The following KANSL1 variants were observed in gnomAD, a reference collection of about 807,000 sequenced individuals.
KANSL1 encodes KAT8 regulatory NSL complex subunit 1.
A neutral mutation model predicts 103.6 loss-of-function variants in KANSL1; 22 were observed. The ratio of observed to expected loss-of-function variants is 0.21; its 90% confidence interval spans 0.15 to 0.30. The LOEUF (loss-of-function observed/expected upper bound fraction) is 0.30, where lower values mean the gene tolerates loss of function less well. KANSL1 is among the 10% of genes least tolerant of loss of function. The pLI, the probability that KANSL1 is intolerant of heterozygous loss-of-function variation, is 1.00. For synonymous variants in KANSL1, 600 were observed against 527.6 expected, an observed-to-expected ratio of 1.14 and a Z score of -1.88; for missense variants, 1,337 against 1,399.8, an observed-to-expected ratio of 0.96 and a Z score of 0.72.
At chr17:46,158,503 C>T (rs1260872320) in intron 2 of KANSL1, among the ~76,000 whole-genome samples, 1 of 151,978 alleles carries the variant, frequency 6.6e-6, no homozygotes, top group East Asian at 1.9e-4. Context: ...GCTGGGATTA[C>T]GGGCATGTGT....
Position 46,031,998 on chromosome 17 carries a change from G to A in KANSL1, c.3090+49C>T, listed in dbSNP as rs780672258. 9.9e-6 allele frequency: 16 copies of A among 1,611,912 alleles called. No individual in the cohort carries two copies. The Admixed American group carries it at 2.3e-4, about 24-fold the overall frequency. ...CTTCAGCAGATGCTGCCCCTTCCTG[G>A]TTCCATCCCCCAACCATGCCAACCC... On this transcript the variant is annotated intron_variant, in intron 14 of 14. Coordinates refer to ENST00000432791, the MANE Select transcript of KANSL1 (RefSeq NM_015443.4).
chr17:46,038,006 T>G (rs1001812251), intron 10 of KANSL1: 1 of 153,468 alleles, frequency 6.5e-6, no homozygotes, highest in African/African-American at 2.4e-5. Context: ...TCTGTATACC[T>G]AAAAAGCATG....
intron 1 of KANSL1, among the ~76,000 whole-genome samples, chr17:46,189,951 A>G (rs2047231563): frequency 6.6e-6 from 1 of 152,054 alleles, no homozygotes; most frequent in Non-Finnish European, 1.5e-5. Context: ...TAACAAGGTA[A>G]CTAAGCTTTA....
intron 2 of KANSL1, among the ~76,000 whole-genome samples, chr17:46,115,458 T>G (rs757339499): frequency 9.2e-5 from 14 of 151,998 alleles, no homozygotes; most frequent in Non-Finnish European, 1.6e-4. Flanking sequence ...GTGTCAACAG[T>G]TCTATATTAC....
chr17:46,211,854 C>G (rs2532417), intron 1 of KANSL1, among the ~76,000 whole-genome samples: 1 of 152,066 alleles, frequency 6.6e-6, no homozygotes, highest in Non-Finnish European at 1.5e-5. Context: ...TTCAAGTGCT[C>G]GGATAAATGT....
intron 2 of KANSL1, among the ~76,000 whole-genome samples, chr17:46,112,450 T>C (rs2042856315): frequency 6.8e-6 from 1 of 146,974 alleles, no homozygotes; most frequent in Admixed American, 6.8e-5. Context: ...TTTGGGAGGC[T>C]GAGGCGAGCG....
intron 4 of KANSL1, among the ~76,000 whole-genome samples, chr17:46,080,312 T>TTA (rs751125811): frequency 6.4e-5 from 5 of 77,776 alleles, no homozygotes; most frequent in African/African-American, 9.0e-5. Flanking sequence ...GAGCCTGTCT[T>TTA]AAAAAAAAAA....
At chr17:46,177,191 T>A (rs2046561356) in intron 1 of KANSL1, among the ~76,000 whole-genome samples, 1 of 152,216 alleles carries the variant, frequency 6.6e-6, no homozygotes, top group African/African-American at 2.4e-5. Flanking sequence ...ACAAGGATGC[T>A]ATGATGATGA....
At chr17:46,059,647 A>AAAGAGAGAGAGAG (rs541946204) in intron 6 of KANSL1, among the ~76,000 whole-genome samples, 9 of 54,868 alleles carry the variant, frequency 1.6e-4, no homozygotes, top group African/African-American at 6.1e-4. Context: ...AAAAAAAAAA[A>AAAGAGAGAGAGAG]AGAGAGAGAG....
At chr17:46,175,466 C>T (rs1360689435) in intron 1 of KANSL1, among the ~76,000 whole-genome samples, 11 of 152,200 alleles carry the variant, frequency 7.2e-5, no homozygotes, top group Admixed American at 3.3e-4. Flanking sequence ...TCTCCTGCTT[C>T]AGCCTCCCGA....
intron 1 of KANSL1, among the ~76,000 whole-genome samples, chr17:46,172,489 A>C (rs1461902526): frequency 6.6e-6 from 1 of 152,242 alleles, no homozygotes; most frequent in Admixed American, 6.5e-5. Flanking sequence ...AAAGGTGCCA[A>C]AACACAAGTT....
intron 3 of KANSL1, among the ~76,000 whole-genome samples, chr17:46,083,543 C>T (rs1200221544): frequency 6.6e-6 from 1 of 152,070 alleles, no homozygotes; most frequent in Non-Finnish European, 1.5e-5. Flanking sequence ...GGAGGCAGGA[C>T]ATGGTGGGTA....
At chr17:46,102,641 C>T (rs2042372005) in intron 2 of KANSL1, among the ~76,000 whole-genome samples, 1 of 152,166 alleles carries the variant, frequency 6.6e-6, no homozygotes, top group Non-Finnish European at 1.5e-5. Context: ...AACTAGATTA[C>T]CTCTAATATT....
At chr17:46,214,158 A>G (rs1195965165) in intron 1 of KANSL1, among the ~76,000 whole-genome samples, 2 of 152,236 alleles carry the variant, frequency 1.3e-5, no homozygotes, top group Non-Finnish European at 1.5e-5. Context: ...TCAAAGAAAG[A>G]GTATTAAAAA....
intron 5 of KANSL1, 71 bp downstream of exon 5, chr17:46,067,478 A>G: frequency 1.1e-6 from 1 of 930,898 alleles, no homozygotes. Context: ...GTCCTGGCTA[A>G]AGAGAACTAA....
At chr17:46,214,239 G>T (rs992477022) in intron 1 of KANSL1, among the ~76,000 whole-genome samples, 2 of 152,248 alleles carry the variant, frequency 1.3e-5, no homozygotes, top group African/African-American at 2.4e-5. Flanking sequence ...GATCCAAAGA[G>T]TAAGGCCAAG....
At chr17:46,034,587 G>T in intron 10 of KANSL1, 1 of 343,310 alleles carries the variant, frequency 2.9e-6, no homozygotes, top group African/African-American at 2.2e-5. Context: ...TTAACTGTTG[G>T]GGTTCCTACT....
intron 1 of KANSL1, among the ~76,000 whole-genome samples, chr17:46,219,136 T>C (rs112945584): frequency 3.3e-5 from 5 of 150,558 alleles, no homozygotes; most frequent in South Asian, 4.2e-4. Flanking sequence ...TGGTGACAGG[T>C]GCCTGTAATC....
chr17:46,174,350 A>G (rs2046423962), intron 1 of KANSL1, among the ~76,000 whole-genome samples: 1 of 152,034 alleles, frequency 6.6e-6, no homozygotes, highest in African/African-American at 2.4e-5. Flanking sequence ...ACGCCTGGCT[A>G]ATTTTTGTAT....
Sources: gnomAD v4.1 joint callset for allele counts (sites outside exome capture counted in the v4.1 genomes callset) on GRCh38, gnomAD v4.1.1 for gene constraint, MANE v1.5 for transcripts, NCBI Gene and HGNC (gene_info 2026-07-23, HGNC 2026-07-21) for gene names.